INVS: variants seen among roughly 807,000 people sequenced by gnomAD.
INVS encodes inversion of embryo turning homolog.
In INVS, 86 loss-of-function variants were observed where a neutral mutation model predicts 108.8. That is an observed-to-expected ratio of 0.79 (90% CI 0.66 to 0.95). The LOEUF is 0.95. INVS is among the 40% of genes least tolerant of loss of function. The probability of loss-of-function intolerance (pLI) is 0.00; values close to 1 mark genes in which losing one functional copy is unlikely to be tolerated. For missense variants in INVS, 1,169 were observed against 1,297.4 expected (o/e 0.90, Z 1.52); for synonymous variants, 455 against 473.5 (o/e 0.96, Z 0.51).
intron 14 of INVS, among the ~76,000 whole-genome samples, chr9:100,294,835 A>T (rs1833740870): frequency 6.6e-6 from 1 of 152,162 alleles, no homozygotes; most frequent in Non-Finnish European, 1.5e-5. Context: ...TATTTATTGG[A>T]CACTTGTGCC....
At position 100,301,951 on chromosome 9, in the gene INVS, C is replaced by T. The variant is rs1833986686; in HGVS notation, c.*1277C>T. 2 of 348,226 alleles carry T rather than the reference C, an allele frequency of 5.7e-6. No individual in the cohort carries two copies. Among genetic ancestry groups the T allele is most frequent in the South Asian group, 1.3e-4 (1 of 7,750 alleles). The allele number at this position is 348,226 out of a possible 1,614,324, so 21.6% of individuals were successfully genotyped here. On this transcript the variant is annotated 3_prime_UTR_variant, in exon 17 of 17. Transcript: ENST00000262457. ...CTCTCTATTTTGTAAATATTTAGCT[C>T]CTATGAAATGCACAATGCACAACCG...
At chr9:100,237,550 T>C (rs1296910276) in intron 5 of INVS, among the ~76,000 whole-genome samples, 1 of 152,142 alleles carries the variant, frequency 6.6e-6, no homozygotes, top group Admixed American at 6.5e-5. Context: ...GTGTAGTATC[T>C]GGGCCAGATA....
chr9:100,297,992 G>C lies in INVS; in HGVS notation c.3073G>C (p.Val1025Leu). Reference protein sequence around the residue: ...HPTRSVKASSVLRLNSVSNLQ... With the variant: ...HPTRSVKASSLLRLNSVSNLQ... The stretch of plus-strand genomic sequence containing the variant: ...TACAAGATCTGTAAAAGCCTCTTCT[G>C]TGCTGCGTCTCAACTCAGGTAAGGC... Residue 1025 changes from valine (V) to leucine (L), a missense_variant, in exon 16 of 17, where the codon GTG (valine) becomes CTG (leucine). Physicochemically the swap from Val to Leu is conservative, Grantham distance 32. Coordinates refer to ENST00000262457, the MANE Select transcript of INVS (RefSeq NM_014425.5). 6.2e-7 allele frequency: 1 copy of C among 1,614,156 alleles called. No homozygotes were observed. Among genetic ancestry groups the C allele is most frequent in the South Asian group, 1.1e-5 (1 of 91,082 alleles).
chr9:100,291,795 C>CT lies in INVS; in HGVS notation c.2069-530dup, dbSNP rs200762173. 7.7e-3 allele frequency among the ~76,000 whole-genome samples: 1,171 copies of CT among 152,324 alleles called. 11 individuals are homozygous for CT. Among genetic ancestry groups the CT allele is most frequent in the African/African-American group, 0.026 (1,065 of 41,566 alleles). On this transcript the variant is annotated intron_variant, in intron 13 of 16. Coordinates refer to ENST00000262457, the MANE Select transcript of INVS (RefSeq NM_014425.5). Reference sequence around the variant, plus strand: ...GCTGAAACAAACTTCCTTGTCATCTCTAAGTGCTGGAGAGCAGATTTTAAA... The same window carrying CT: ...GCTGAAACAAACTTCCTTGTCATCTCTTAAGTGCTGGAGAGCAGATTTTAAA...
chr9:100,295,047 G>A (rs901927662), intron 14 of INVS, among the ~76,000 whole-genome samples: 1 of 152,188 alleles, frequency 6.6e-6, no homozygotes, highest in African/African-American at 2.4e-5. Flanking sequence ...AATGGCCATT[G>A]CACTCTGTGG....
At chr9:100,165,074 G>A (rs1829318947) in intron 3 of INVS, among the ~76,000 whole-genome samples, 1 of 150,980 alleles carries the variant, frequency 6.6e-6, no homozygotes, top group South Asian at 2.1e-4. Flanking sequence ...GACTTGATCT[G>A]ATTATTGTTC....
intron 10 of INVS, among the ~76,000 whole-genome samples, chr9:100,262,038 A>ATT (rs35257593): frequency 6.0e-4 from 90 of 149,124 alleles, no homozygotes; most frequent in African/African-American, 1.9e-3. Context: ...ACATTGACTG[A>ATT]TTTTTTTTTT....
At chr9:100,295,600 T>C (rs569046250) in intron 14 of INVS, among the ~76,000 whole-genome samples, 2 of 151,876 alleles carry the variant, frequency 1.3e-5, no homozygotes, top group Non-Finnish European at 2.9e-5. Context: ...AGGTGGAGGA[T>C]GGAGAAAAGG....
chr9:100,284,776 T>C (rs1478009226), intron 13 of INVS, among the ~76,000 whole-genome samples, 173 bp downstream of exon 13: 1 of 152,200 alleles, frequency 6.6e-6, no homozygotes, highest in African/African-American at 2.4e-5. Context: ...TTCTTTTTTT[T>C]CCCTTCCTGT....
chr9:100,247,651 A>G (rs187827655), intron 8 of INVS, among the ~76,000 whole-genome samples: 72 of 131,590 alleles, frequency 5.5e-4, no homozygotes, highest in African/African-American at 2.0e-3. Flanking sequence ...GGGAGAGAGA[A>G]GGGAGGGGAG....
intron 3 of INVS, among the ~76,000 whole-genome samples, chr9:100,225,728 A>G (rs531591916): frequency 2.7e-5 from 4 of 150,044 alleles, no homozygotes; most frequent in Admixed American, 1.3e-4. Flanking sequence ...GTGAAAAAAG[A>G]TGTACAGTGA....
At chr9:100,249,979 C>T (rs2118546001) in intron 8 of INVS, among the ~76,000 whole-genome samples, 1 of 151,810 alleles carries the variant, frequency 6.6e-6, no homozygotes, top group South Asian at 2.1e-4. Flanking sequence ...GTGGTACACG[C>T]CTATAATCCC....
intron 5 of INVS, among the ~76,000 whole-genome samples, chr9:100,231,989 T>TTTCTCCACATC: frequency 6.6e-6 from 1 of 152,338 alleles, no homozygotes. Flanking sequence ...AGCATTCCTA[T>TTTCTCCACATC]TTCTCCACAT....
chr9:100,172,791 G>A (rs1474635485), intron 3 of INVS, among the ~76,000 whole-genome samples: 1 of 152,166 alleles, frequency 6.6e-6, no homozygotes, highest in Non-Finnish European at 1.5e-5. Context: ...AGAGTAGGAG[G>A]GTTCCAATCA....
chr9:100,247,422 A>C (rs551072530), intron 8 of INVS, among the ~76,000 whole-genome samples: 1 of 152,316 alleles, frequency 6.6e-6, no homozygotes, highest in African/African-American at 2.4e-5. Flanking sequence ...CTCAGTGTCA[A>C]CTTGGAGGTC....
chr9:100,106,357 C>G (rs78746953), intron 2 of INVS, among the ~76,000 whole-genome samples: 3,223 of 152,178 alleles, frequency 0.021, 105 homozygotes, highest in African/African-American at 0.073. Context: ...TATCTTCAAC[C>G]TTTCTTCTAT....
intron 3 of INVS, among the ~76,000 whole-genome samples, chr9:100,145,336 G>A: frequency 6.6e-6 from 1 of 151,864 alleles, no homozygotes; most frequent in East Asian, 1.9e-4. Flanking sequence ...CAGAAATAAG[G>A]GATCAGGGCG....
chr9:100,145,468 G>C (rs1361503053), intron 3 of INVS, among the ~76,000 whole-genome samples: 1 of 151,958 alleles, frequency 6.6e-6, no homozygotes, highest in African/African-American at 2.4e-5. Context: ...AAGGGATCGG[G>C]GCACAGAGAT....
chr9:100,129,832 G>C, intron 3 of INVS: 1 of 463,802 alleles, frequency 2.2e-6, no homozygotes, highest in Non-Finnish European at 4.0e-6. Flanking sequence ...GGAAGCAGCA[G>C]CCTTACCAGG....
Sources: allele counts gnomAD v4.1 joint callset (sites outside exome capture counted in the v4.1 genomes callset), GRCh38; gene constraint gnomAD v4.1.1; transcripts MANE v1.5; gene names NCBI Gene and HGNC (gene_info 2026-07-23, HGNC 2026-07-21).